The following RRM1 variants were observed in gnomAD, a reference collection of about 807,000 sequenced individuals.
RRM1 encodes the protein ribonucleotide reductase catalytic subunit M1.
In RRM1, 19 loss-of-function variants were observed where a neutral mutation model predicts 101.5. The observed-to-expected ratio is 0.19, with a 90% CI of 0.13 to 0.27. RRM1 has a LOEUF of 0.27. Among genes scored for constraint, RRM1 ranks in the 10% least tolerant of loss-of-function variants. RRM1 has a pLI of 1.00. For missense variants in RRM1, 500 were observed against 962.9 expected, an observed-to-expected ratio of 0.52 and a Z score of 6.36; for synonymous variants, 298 against 323.4, an observed-to-expected ratio of 0.92 and a Z score of 0.84.
chr11:4,098,782 T>C (rs2094546956), intron 1 of RRM1, among the ~76,000 whole-genome samples: 1 of 152,188 alleles, frequency 6.6e-6, no homozygotes, highest in Non-Finnish European at 1.5e-5. Flanking sequence ...GTGGTAAGTG[T>C]ATATAAGAAA....
chr11:4,124,222 A>G (rs1482899578), intron 12 of RRM1, among the ~76,000 whole-genome samples: 1 of 152,158 alleles, frequency 6.6e-6, no homozygotes, highest in African/African-American at 2.4e-5. Flanking sequence ...GATGAAAAGG[A>G]AGGTTCTTGC....
chr11:4,112,961 T>G (rs951289422), intron 7 of RRM1, among the ~76,000 whole-genome samples: 2 of 152,070 alleles, frequency 1.3e-5, no homozygotes, highest in African/African-American at 4.8e-5. Context: ...AGTGATACCT[T>G]GATTAAGATA....
intron 18 of RRM1, 73 bp from the exon 19 acceptor site, chr11:4,138,122 T>G: frequency 1.2e-6 from 1 of 853,900 alleles, no homozygotes; most frequent in Non-Finnish European, 1.8e-6. Flanking sequence ...AGGAATGTAT[T>G]TTAAATATTG....
Position 4,102,026 on chromosome 11 carries a change from T to A in RRM1, c.53T>A (p.Ile18Asn). Residue 18 changes from isoleucine to asparagine, a missense_variant, in exon 2 of 19, where the codon ATT becomes AAT. Ile to Asn is a moderately radical substitution (Grantham distance 149, BLOSUM62 -3). This residue lies in a region of RRM1 where 44 missense variants were observed against 119.4 expected (regional missense o/e 0.37). Transcript: ENST00000300738. ...GRQERVMFDKITSRIQKLCYG... is the reference protein window; with the variant it reads ...GRQERVMFDKNTSRIQKLCYG... ...CAAGAACGAGTCATGTTTGACAAAA[T>A]TACATCTCGAATCCAGAAGCTTTGT... 1 of 1,605,886 alleles carries A rather than the reference T, an allele frequency of 6.2e-7. No individual in the cohort carries two copies.
chr11:4,122,155 G>A lies in RRM1; in HGVS notation c.1053G>A (p.Met351Ile). 3 of 1,612,306 alleles carry A rather than the reference G, an allele frequency of 1.9e-6. No individual in the cohort carries two copies. The highest frequency in any genetic ancestry group is 1.7e-6 in the Non-Finnish European group (2 of 1,179,018). Residue 351 changes from methionine to isoleucine, a missense_variant, in exon 11 of 19, where the codon ATG (methionine) becomes ATA (isoleucine). Coordinates refer to ENST00000300738, the MANE Select transcript of RRM1 (RefSeq NM_001033.5). Reference sequence around the variant, plus strand: ...TTCCTTTTTAGGACTGGTCTTTGATGTGTCCAAATGAGTGTCCTGGTCTGG... The same window carrying A: ...TTCCTTTTTAGGACTGGTCTTTGATATGTCCAAATGAGTGTCCTGGTCTGG... ...RVETNQDWSL[M>I]CPNECPGLDE...
Position 4,135,236 on chromosome 11 carries a change from A to G in RRM1, c.2156A>G (p.Lys719Arg). 6.2e-7 allele frequency: 1 copy of G among 1,612,806 alleles called. No homozygotes were observed. Among genetic ancestry groups the G allele is most frequent in the Non-Finnish European group, 8.5e-7 (1 of 1,179,334 alleles). The stretch of plus-strand genomic sequence containing the variant: ...CACATTGCTGAGCCTAACTATGGCA[A>G]ACTCACTAGTATGCACTTCTACGGC... Reference protein sequence around the residue: ...NIHIAEPNYGKLTSMHFYGWK... With the variant: ...NIHIAEPNYGRLTSMHFYGWK... The change falls in exon 18 of 19, where the codon AAA becomes AGA. Residue 719 changes from lysine (K) to arginine (R), a missense_variant. Lys to Arg is a conservative substitution (Grantham distance 26). Transcript: ENST00000300738.
chr11:4,110,588 C>T (rs934981981), intron 5 of RRM1, among the ~76,000 whole-genome samples: 6 of 151,376 alleles, frequency 4.0e-5, no homozygotes, highest in Non-Finnish European at 5.9e-5. Context: ...GGCCACGTGG[C>T]GAAATGCCTT....
chr11:4,122,330 G>A, intron 11 of RRM1, 110 bp downstream of exon 11: 1 of 749,272 alleles, frequency 1.3e-6, no homozygotes, highest in Non-Finnish European at 2.1e-6. Context: ...GCATCTAAGA[G>A]AAAAAGTGAC....
chr11:4,111,110 C>G (rs1461958279), intron 5 of RRM1, among the ~76,000 whole-genome samples: 1 of 151,872 alleles, frequency 6.6e-6, no homozygotes, highest in Non-Finnish European at 1.5e-5. Context: ...TGGGAGGATT[C>G]CTTGAGCTTA....
At chr11:4,103,868 A>G (rs746851135) in intron 2 of RRM1, among the ~76,000 whole-genome samples, 2 of 124,698 alleles carry the variant, frequency 1.6e-5, no homozygotes, top group Non-Finnish European at 3.1e-5. Context: ...ACCTCAAGTT[A>G]TCTGTCCGCC....
At chr11:4,137,794 T>C (rs371071132) in intron 18 of RRM1, among the ~76,000 whole-genome samples, 425 of 6,834 alleles carry the variant, frequency 0.062, 168 homozygotes, top group African/African-American at 0.15. Flanking sequence ...CTGGCCGGGC[T>C]GGGGGCTGAC....
intron 18 of RRM1, 39 bp from the exon 19 acceptor site, chr11:4,138,156 C>CA: frequency 8.3e-7 from 1 of 1,209,384 alleles, no homozygotes; most frequent in East Asian, 2.4e-5. Context: ...AGTATTCTCA[C>CA]AGAGTTTCTC....
intron 1 of RRM1, among the ~76,000 whole-genome samples, chr11:4,096,108 C>T (rs1182904511): frequency 6.6e-6 from 1 of 152,164 alleles, no homozygotes; most frequent in Admixed American, 6.5e-5. Flanking sequence ...TTACTGTAAC[C>T]TTGAAGTCCT....
chr11:4,131,614 T>G (rs191929233), intron 15 of RRM1, among the ~76,000 whole-genome samples: 96 of 152,372 alleles, frequency 6.3e-4, no homozygotes, highest in Admixed American at 6.2e-3. Context: ...GTTTTAAAAT[T>G]GCTATCAATT....
intron 7 of RRM1, among the ~76,000 whole-genome samples, chr11:4,115,114 G>A (rs971476338): frequency 6.6e-6 from 1 of 152,098 alleles, no homozygotes; most frequent in African/African-American, 2.4e-5. Context: ...TTTTTCCCAA[G>A]TTAAAATATA....
intron 15 of RRM1, among the ~76,000 whole-genome samples, chr11:4,130,865 A>T (rs1291985102): frequency 1.3e-5 from 2 of 152,192 alleles, no homozygotes; most frequent in African/African-American, 4.8e-5. Flanking sequence ...CTGTAGACAG[A>T]TGATGTTGCT....
In RRM1 at chr11:4,099,295, A is replaced by ATTTTTTTTTTTTTTTTTTTTTTTTTTTT. The variant is rs34579912; in HGVS notation, c.20-2679_20-2678insTTTTTTTTTTTTTTTTTTTTTTTTTTTT. On this transcript the variant is annotated intron_variant, in intron 1 of 18. Transcript: ENST00000300738. ...GCTGGGATTACAGCATACCCAGCTA[A>ATTTTTTTTTTTTTTTTTTTTTTTTTTTT]TTTTTTTTTTTTTTTTTTTGTATTT... 5.2e-5 allele frequency: 4 copies of ATTTTTTTTTTTTTTTTTTTTTTTTTTTT among 76,978 alleles called. 1 individual carries two copies. The highest frequency in any genetic ancestry group is 4.4e-5 in the Non-Finnish European group (2 of 45,106). 4.8% of individuals were successfully genotyped at this position (76,978 alleles called of 1,614,324 possible).
At chr11:4,103,410 AAG>A (rs1325586405) in intron 2 of RRM1, among the ~76,000 whole-genome samples, 1 of 152,334 alleles carries the variant, frequency 6.6e-6, no homozygotes, top group East Asian at 1.9e-4. Context: ...GAAAGTTCCA[AAG>A]AGAGAGGGGA....
intron 18 of RRM1, among the ~76,000 whole-genome samples, 180 bp downstream of exon 18, chr11:4,135,450 C>G (rs1377957854): frequency 6.6e-6 from 1 of 152,172 alleles, no homozygotes; most frequent in East Asian, 1.9e-4. Context: ...CTTGGATTTT[C>G]TTGTTTCTGT....
Sources: gnomAD v4.1 joint callset for allele counts (sites outside exome capture counted in the v4.1 genomes callset) on GRCh38, gnomAD v4.1.1 for gene constraint, gnomAD v4.1.1 regional missense constraint, MANE v1.5 for transcripts, NCBI Gene and HGNC (gene_info 2026-07-23, HGNC 2026-07-21) for gene names.